The following EPHA6 variants were observed in gnomAD, a reference collection of about 807,000 sequenced individuals.
EPHA6 encodes EPH receptor A6, also known as ephrin type-A receptor 6.
EPHA6 carries 50 observed loss-of-function variants against 112.0 expected under a neutral mutation model. The observed-to-expected ratio is 0.45, with a 90% CI of 0.36 to 0.56. The LOEUF is 0.56. Ranked by LOEUF, EPHA6 falls within the 20% of genes least tolerant of loss-of-function variation. The pLI is 0.00. For missense variants in EPHA6, 1,280 were observed against 1,417.4 expected (o/e 0.90, Z 1.56); for synonymous variants, 529 against 490.7 (o/e 1.08, Z -1.03).
intron 2 of EPHA6, among the ~76,000 whole-genome samples, chr3:96,928,000 A>C (rs1184099730): frequency 6.6e-6 from 1 of 152,184 alleles, no homozygotes; most frequent in African/African-American, 2.4e-5. Flanking sequence ...TGTGTGAAGG[A>C]GGAACTATGA....
chr3:97,052,993 T>A (rs1487158745), intron 3 of EPHA6, among the ~76,000 whole-genome samples: 8 of 151,972 alleles, frequency 5.3e-5, no homozygotes, highest in Non-Finnish European at 4.4e-5. Flanking sequence ...GAGGTATATA[T>A]AAAATTAGTT....
At chr3:97,193,474 T>C (rs2077360416) in intron 3 of EPHA6, among the ~76,000 whole-genome samples, 1 of 152,138 alleles carries the variant, frequency 6.6e-6, no homozygotes, top group African/African-American at 2.4e-5. Context: ...CTGCTGATTT[T>C]TGTATGTTGA....
At chr3:97,071,928 C>G (rs529330149) in intron 3 of EPHA6, among the ~76,000 whole-genome samples, 17 of 151,902 alleles carry the variant, frequency 1.1e-4, no homozygotes, top group Non-Finnish European at 2.5e-4. Context: ...GCCTTTGCAC[C>G]CTCATAGCTT....
At chr3:96,938,387 A>G (rs966646527) in intron 2 of EPHA6, among the ~76,000 whole-genome samples, 1 of 150,132 alleles carries the variant, frequency 6.7e-6, no homozygotes, top group Non-Finnish European at 1.5e-5. Context: ...ATGGGAGTTC[A>G]CTCATGATTT....
At chr3:97,464,588 G>GC (rs944409299) in intron 7 of EPHA6, among the ~76,000 whole-genome samples, 42 of 152,060 alleles carry the variant, frequency 2.8e-4, no homozygotes, top group African/African-American at 9.9e-4. Context: ...ATTTGAATCT[G>GC]CCCCCACCGT....
At chr3:96,918,000 C>A (rs573338649) in intron 2 of EPHA6, among the ~76,000 whole-genome samples, 3 of 152,236 alleles carry the variant, frequency 2.0e-5, no homozygotes, top group African/African-American at 7.2e-5. Flanking sequence ...AAACCAGCAA[C>A]AAAACTTACG....
At chr3:97,719,142 A>G (rs1200109144) in intron 14 of EPHA6, among the ~76,000 whole-genome samples, 1 of 124,092 alleles carries the variant, frequency 8.1e-6, no homozygotes, top group Non-Finnish European at 1.6e-5. Context: ...TACTCAATTA[A>G]TAGTTTCACC....
chr3:97,282,059 G>A (rs1222394650), intron 5 of EPHA6, among the ~76,000 whole-genome samples: 2 of 152,156 alleles, frequency 1.3e-5, no homozygotes, highest in Non-Finnish European at 2.9e-5. Context: ...GTCAAGGAAT[G>A]TTTATAAACA....
chr3:96,939,814 G>A (rs1164391542), intron 2 of EPHA6, among the ~76,000 whole-genome samples: 16 of 151,996 alleles, frequency 1.1e-4, no homozygotes, highest in East Asian at 1.9e-4. Flanking sequence ...CTTTGTTCCC[G>A]TTGGTTTCAA....
chr3:97,258,273 CAT>C (rs1383803712), intron 5 of EPHA6, among the ~76,000 whole-genome samples: 79 of 150,962 alleles, frequency 5.2e-4, no homozygotes, highest in African/African-American at 1.9e-3. Context: ...CACACACACA[CAT>C]ACATAACATA....
intron 12 of EPHA6, among the ~76,000 whole-genome samples, chr3:97,600,675 G>A (rs951853630): frequency 1.3e-5 from 2 of 151,746 alleles, no homozygotes; most frequent in African/African-American, 4.8e-5. Flanking sequence ...TACAATTTTA[G>A]GAAGTCTCTG....
chr3:97,007,931 T>C (rs1428336886), intron 3 of EPHA6, among the ~76,000 whole-genome samples: 2 of 152,134 alleles, frequency 1.3e-5, no homozygotes, highest in African/African-American at 4.8e-5. Flanking sequence ...AATATTGGCC[T>C]CCCACTCTCT....
intron 3 of EPHA6, among the ~76,000 whole-genome samples, chr3:97,054,079 C>T (rs559419695): frequency 6.6e-5 from 10 of 151,742 alleles, no homozygotes; most frequent in African/African-American, 2.4e-4. Flanking sequence ...GGGCTTACTA[C>T]ATATGAGATG....
At chr3:97,028,532 C>T (rs958804082) in intron 3 of EPHA6, among the ~76,000 whole-genome samples, 4 of 151,942 alleles carry the variant, frequency 2.6e-5, no homozygotes, top group African/African-American at 7.2e-5. Context: ...GTGGAATATC[C>T]TTTCTCTTTC....
At chr3:97,033,607 CT>C (rs1321401574) in intron 3 of EPHA6, among the ~76,000 whole-genome samples, 1 of 151,858 alleles carries the variant, frequency 6.6e-6, no homozygotes, top group Non-Finnish European at 1.5e-5. Context: ...GCTGAACATC[CT>C]CTATAGAAAA....
chr3:97,473,377 CAGA>C (rs890568273), intron 7 of EPHA6, among the ~76,000 whole-genome samples: 5 of 151,536 alleles, frequency 3.3e-5, no homozygotes, highest in African/African-American at 1.2e-4. Flanking sequence ...AACAAGTGTG[CAGA>C]AGGAGACATA....
intron 2 of EPHA6, among the ~76,000 whole-genome samples, chr3:96,902,165 T>C (rs1466724020): frequency 6.6e-6 from 1 of 152,164 alleles, no homozygotes; most frequent in Non-Finnish European, 1.5e-5. Context: ...TTTAACATCT[T>C]ATGAAATTGC....
At position 97,760,737 on chromosome 3, in the gene EPHA6, A is replaced by G. The variant is rs1378265219; in HGVS notation, c.*12036A>G. 2 of 179,590 alleles carry G rather than the reference A, an allele frequency of 1.1e-5. No individual in the cohort carries two copies. Among genetic ancestry groups the G allele is most frequent in the Non-Finnish European group, 2.4e-5 (2 of 84,074 alleles). The allele number at this position is 179,590 out of a possible 1,614,324, so 11.1% of individuals were successfully genotyped here. The stretch of plus-strand genomic sequence containing the variant: ...TATTTATATAAAATACCTAGATAAC[A>G]TGTCTAGGTTGAGATATTTAATCCC... On this transcript the variant is annotated 3_prime_UTR_variant, in exon 18 of 18. Coordinates refer to ENST00000389672, the MANE Select transcript of EPHA6 (RefSeq NM_001080448.3).
intron 5 of EPHA6, among the ~76,000 whole-genome samples, chr3:97,327,493 TTG>T (rs751327418): frequency 1.3e-5 from 2 of 151,270 alleles, no homozygotes; most frequent in Admixed American, 6.6e-5. Flanking sequence ...GTGTGTGTGT[TTG>T]TGTGTGTGTG....
Sources: allele counts gnomAD v4.1 joint callset (sites outside exome capture counted in the v4.1 genomes callset), GRCh38; gene constraint gnomAD v4.1.1; transcripts MANE v1.5; gene names NCBI Gene and HGNC (gene_info 2026-07-23, HGNC 2026-07-21).